Variants in KCTD17 observed in about 807,000 individuals in gnomAD.
The protein encoded by KCTD17 is potassium channel tetramerization domain containing 17, also known as BTB/POZ domain-containing protein KCTD17.
In KCTD17, 20 loss-of-function variants were observed where a neutral mutation model predicts 41.5. That is an observed-to-expected ratio of 0.48 (90% CI 0.34 to 0.70). KCTD17 has a LOEUF of 0.70. KCTD17 is among the 30% of genes least tolerant of loss of function. The pLI, the probability that KCTD17 is intolerant of heterozygous loss-of-function variation, is 0.01. For synonymous variants in KCTD17, 156 were observed against 173.8 expected, an observed-to-expected ratio of 0.90 and a Z score of 0.80; for missense variants, 317 against 427.2, an observed-to-expected ratio of 0.74 and a Z score of 2.27.
chr22:37,052,570 G>T, intron 1 of KCTD17: 1 of 470,646 alleles, frequency 2.1e-6, no homozygotes. Context: ...TCCCCCATCC[G>T]TGACCCTCCG....
intron 5 of KCTD17, among the ~76,000 whole-genome samples, chr22:37,060,224 A>G (rs1002059360): frequency 5.3e-5 from 8 of 152,252 alleles, no homozygotes; most frequent in Admixed American, 2.6e-4. Context: ...CCAACCCCAC[A>G]CAGTGGAGGC....
Position 37,062,424 on chromosome 22 carries a change from CGT to C in KCTD17, c.876-100_876-99del. On this transcript the variant is annotated intron_variant, in intron 8 of 8. Transcript: ENST00000403888. ...TCTCTCTCTCTCCCTCTCCCCCACC[CGT>C]CAATCTCCTCTCCGCCCCCTTGCCC... 20 of 1,357,200 alleles carry C rather than the reference CGT, an allele frequency of 1.5e-5. No individual in the cohort carries two copies. In the South Asian group the frequency reaches 1.6e-4, roughly 11 times the overall value. The allele number at this position is 1,357,200 out of a possible 1,614,324, so 84.1% of individuals were successfully genotyped here.
intron 8 of KCTD17, 101 bp from the exon 9 acceptor site, chr22:37,062,424 C>T (rs1925899504): frequency 7.4e-6 from 10 of 1,357,206 alleles, no homozygotes; most frequent in East Asian, 3.0e-5. Flanking sequence ...CTCCCCCACC[C>T]GTCAATCTCC....
At chr22:37,051,973 G>A (rs546208305) in intron 1 of KCTD17, 24 bp downstream of exon 1, 3 of 1,424,436 alleles carry the variant, frequency 2.1e-6, no homozygotes, top group Non-Finnish European at 2.8e-6. Flanking sequence ...GGTGGGCGGC[G>A]AGCGGGCGGT....
chr22:37,061,170 C>A lies in KCTD17; in HGVS notation c.779C>A (p.Ala260Asp). The A allele has an allele frequency of 6.4e-7, 1 of 1,550,890 alleles. No homozygotes were observed. Among genetic ancestry groups the A allele is most frequent in the Non-Finnish European group, 8.7e-7 (1 of 1,146,670 alleles). The part of the protein sequence containing the change: ...LPPLPPPPLP[A>D]GGSRPHPLRP... ...CCACTGCCTCCTCCTCCGCTTCCCGCTGGAGGTCCTGCCTCATCTTCATCC... is the reference window on the plus strand; with the variant it reads ...CCACTGCCTCCTCCTCCGCTTCCCGATGGAGGTCCTGCCTCATCTTCATCC... The change falls in exon 7 of 9, where the codon GCT (alanine) becomes GAT (aspartate). Residue 260 changes from alanine (A) to aspartate (D), a missense_variant. This residue lies in a region of KCTD17 where 177 missense variants were observed against 194.4 expected (regional missense o/e 0.91). Transcript: ENST00000403888. This position sits in a 1 kb window ranked among gnomAD's most constrained non-coding sequence, Gnocchi z 6.6.
Position 37,053,092 on chromosome 22 carries a change from C to T in KCTD17, c.190-8C>T. 25 of 1,574,536 alleles carry T rather than the reference C, an allele frequency of 1.6e-5. No homozygotes were observed. Among genetic ancestry groups the T allele is most frequent in the Non-Finnish European group, 2.2e-5 (25 of 1,159,222 alleles). ...TCTTCTCTCACCGAGCATCCCTCAC[C>T]TCCATAGGATGAGACCGGGGCCTAC... On this transcript the variant is annotated splice_region_variant and splice_polypyrimidine_tract_variant and intron_variant, in intron 1 of 8. Coordinates refer to ENST00000403888, the MANE Select transcript of KCTD17 (RefSeq NM_001282684.2). The surrounding 1 kb of genome is among the most constrained non-coding windows in gnomAD (Gnocchi z 4.1).
Position 37,051,865 on chromosome 22 carries a change from C to A in KCTD17, c.105C>A (p.Phe35Leu). The change falls in exon 1 of 9, where the codon TTC becomes TTA. Residue 35 changes from phenylalanine (F) to leucine (L), a missense_variant. By Grantham distance (22) the Phe-to-Leu change is conservative. This residue lies in a region of KCTD17 where 99 missense variants were observed against 166.5 expected (regional missense o/e 0.59). Transcript: ENST00000403888. ...GGCTCAACGTGGGGGGCACGGTGTT[C>A]CTGACCACCCGGCAGACGCTGTGCC... Reference protein sequence around the residue: ...WVRLNVGGTVFLTTRQTLCRE... With the variant: ...WVRLNVGGTVLLTTRQTLCRE... The A allele has an allele frequency of 6.7e-7, 1 of 1,487,624 alleles. No homozygotes were observed. Among genetic ancestry groups the A allele is most frequent in the East Asian group, 2.8e-5 (1 of 36,244 alleles). The allele number at this position is 1,487,624 out of a possible 1,614,324, so 92.2% of individuals were successfully genotyped here. A position where few individuals can be genotyped will look rare whatever the true frequency, so the allele number is the denominator to read the frequency against.
rs368402919 is a variant in KCTD17, at chr22:37,061,666, C to T, written c.875+37C>T. On this transcript the variant is annotated intron_variant, in intron 8 of 8. Coordinates refer to ENST00000403888, the MANE Select transcript of KCTD17 (RefSeq NM_001282684.2). The surrounding 1 kb of genome is among the most constrained non-coding windows in gnomAD (Gnocchi z 6.6). ...GGCGGTGCTGGAGGGAGGGGTGGAG[C>T]GAGGAGGGTGCTCATCTCTTGATCC... is the stretch of plus-strand genomic sequence containing the variant. 28 of 1,560,664 alleles carry T rather than the reference C, an allele frequency of 1.8e-5. No homozygotes were observed. The highest frequency in any genetic ancestry group is 9.4e-5 in the East Asian group (4 of 42,536).
At position 37,061,510 on chromosome 22, in the gene KCTD17, G is replaced by A. The variant is rs572719784; in HGVS notation, c.785-29G>A. The stretch of plus-strand genomic sequence containing the variant: ...GCCCTGCCCCCCCTCCTCTCCTCCC[G>A]GCCTCCTCCTCACGTTTCCTCCTTG... On this transcript the variant is annotated intron_variant, in intron 7 of 8. Coordinates refer to ENST00000403888, the MANE Select transcript of KCTD17 (RefSeq NM_001282684.2). This position sits in a 1 kb window ranked among gnomAD's most constrained non-coding sequence, Gnocchi z 6.6. 2.3e-5 allele frequency: 36 copies of A among 1,591,208 alleles called. No homozygotes were observed. Among genetic ancestry groups the A allele is most frequent in the African/African-American group, 1.5e-4 (11 of 74,622 alleles).
Position 37,051,855 on chromosome 22 carries a change from G to T in KCTD17, c.95G>T (p.Gly32Val). ...WGKWVRLNVG[G>V]TVFLTTRQTL... ...AAGTGGGTGCGGCTCAACGTGGGGG[G>T]CACGGTGTTCCTGACCACCCGGCAG... The change falls in exon 1 of 9, where the codon GGC becomes GTC. Residue 32 changes from glycine to valine, a missense_variant. By Grantham distance (109) the Gly-to-Val change is moderately radical. Coordinates refer to ENST00000403888, the MANE Select transcript of KCTD17 (RefSeq NM_001282684.2). The T allele has an allele frequency of 6.8e-7, 1 of 1,471,534 alleles. No individual in the cohort carries two copies. The highest frequency in any genetic ancestry group is 9.0e-7 in the Non-Finnish European group (1 of 1,110,850). 91.2% of individuals were successfully genotyped at this position (1,471,534 alleles called of 1,614,324 possible). A position where few individuals can be genotyped will look rare whatever the true frequency, so the allele number is the denominator to read the frequency against.
At chr22:37,062,165 C>T (rs1925870504) in intron 8 of KCTD17, 1 of 985,310 alleles carries the variant, frequency 1.0e-6, no homozygotes, top group African/African-American at 1.7e-5. Flanking sequence ...CTTCTTTCGC[C>T]TGGGGCATCA....
intron 2 of KCTD17, among the ~76,000 whole-genome samples, chr22:37,055,761 G>T (rs1051250752): frequency 6.6e-6 from 1 of 152,178 alleles, no homozygotes; most frequent in African/African-American, 2.4e-5. Flanking sequence ...TTACAGTGGG[G>T]AGACATGGGC....
At chr22:37,052,132 C>T in intron 1 of KCTD17, 183 bp downstream of exon 1, 2 of 849,402 alleles carry the variant, frequency 2.4e-6, no homozygotes, top group African/African-American at 1.8e-5. Context: ...GAGGGATGTA[C>T]CCATTGCCGT....
chr22:37,057,356 G>A (rs747922184), intron 3 of KCTD17, 42 bp from the exon 4 acceptor site: 34 of 1,531,066 alleles, frequency 2.2e-5, no homozygotes, highest in Middle Eastern at 1.7e-4. Flanking sequence ...GGGGTGCCTG[G>A]TGCTCCCACA....
At position 37,061,331 on chromosome 22, in the gene KCTD17, C is replaced by T; in HGVS notation, c.784+156C>T. The T allele has an allele frequency of 6.7e-7, 1 of 1,492,148 alleles. No homozygotes were observed. The highest frequency in any genetic ancestry group is 1.3e-5 in the South Asian group (1 of 75,716). The allele number at this position is 1,492,148 out of a possible 1,614,324, so 92.4% of individuals were successfully genotyped here. A position where few individuals can be genotyped will look rare whatever the true frequency, so the allele number is the denominator to read the frequency against. On this transcript the variant is annotated intron_variant, in intron 7 of 8. Transcript: ENST00000403888. This position sits in a 1 kb window ranked among gnomAD's most constrained non-coding sequence, Gnocchi z 6.6. The stretch of plus-strand genomic sequence containing the variant: ...AGCCTCCCGTGCCCTCCACCCAGGC[C>T]CCCTGGCCCTGCATCCCAGAGCGTC...
chr22:37,062,245 A>C, intron 8 of KCTD17: 3 of 984,190 alleles, frequency 3.0e-6, no homozygotes, highest in Non-Finnish European at 3.6e-6. Flanking sequence ...TGGCCTCTGT[A>C]GGTGGCCGCC....
intron 4 of KCTD17, 142 bp downstream of exon 4, chr22:37,057,635 A>G (rs1272710709): frequency 3.0e-6 from 2 of 670,252 alleles, no homozygotes; most frequent in Non-Finnish European, 5.2e-6. Flanking sequence ...TCTGAAATCA[A>G]ATTAAACAAG....
rs776379609 is a variant in KCTD17 at position 37,053,085 on chromosome 22, C to T, written c.190-15C>T. Reference sequence around the variant, plus strand: ...GCCTCACTCTTCTCTCACCGAGCATCCCTCACCTCCATAGGATGAGACCGG... The same window carrying T: ...GCCTCACTCTTCTCTCACCGAGCATTCCTCACCTCCATAGGATGAGACCGG... On this transcript the variant is annotated splice_polypyrimidine_tract_variant and intron_variant, in intron 1 of 8. Coordinates refer to ENST00000403888, the MANE Select transcript of KCTD17 (RefSeq NM_001282684.2). The surrounding 1 kb of genome is among the most constrained non-coding windows in gnomAD (Gnocchi z 4.1). 2.4e-5 allele frequency: 37 copies of T among 1,563,700 alleles called. No homozygotes were observed. The African/African-American group carries it at 4.9e-4, about 21-fold the overall frequency.
chr22:37,061,513 C>T lies in KCTD17; in HGVS notation c.785-26C>T. The T allele has an allele frequency of 6.3e-7, 1 of 1,595,158 alleles. No individual in the cohort carries two copies. The highest frequency in any genetic ancestry group is 8.5e-7 in the Non-Finnish European group (1 of 1,176,746). ...CTGCCCCCCCTCCTCTCCTCCCGGC[C>T]TCCTCCTCACGTTTCCTCCTTGCAG... On this transcript the variant is annotated intron_variant, in intron 7 of 8. Coordinates refer to ENST00000403888, the MANE Select transcript of KCTD17 (RefSeq NM_001282684.2). This position sits in a 1 kb window ranked among gnomAD's most constrained non-coding sequence, Gnocchi z 6.6.
Sources: allele counts gnomAD v4.1 joint callset (sites outside exome capture counted in the v4.1 genomes callset), GRCh38; gene constraint gnomAD v4.1.1; regional missense constraint gnomAD v4.1.1; non-coding constraint Gnocchi (gnomAD v3.1); transcripts MANE v1.5; gene names NCBI Gene and HGNC (gene_info 2026-07-23, HGNC 2026-07-21).